OPHN1: variants seen among roughly 807,000 people sequenced by gnomAD.
The protein encoded by OPHN1 is oligophrenin 1, also known as oligophrenin-1.
OPHN1 carries 11 observed loss-of-function variants against 60.7 expected under a neutral mutation model. The observed-to-expected ratio is 0.18, with a 90% confidence interval of 0.11 to 0.30. OPHN1 has a LOEUF of 0.30. OPHN1 is among the 10% of genes least tolerant of loss of function. The pLI, the probability that OPHN1 is intolerant of heterozygous loss-of-function variation, is 1.00. For missense variants in OPHN1, 449 were observed against 611.0 expected (o/e 0.73, Z 2.80); for synonymous variants, 226 against 222.6 (o/e 1.02, Z -0.14).
At chrX:68,228,462 AG>A (rs1182594076) in intron 6 of OPHN1, among the ~76,000 whole-genome samples, 10 of 111,132 alleles carry the variant, frequency 9.0e-5, no homozygotes, top group Admixed American at 3.8e-4. Flanking sequence ...CAAAAAAAAA[AG>A]AGAATTTTAG....
intron 7 of OPHN1, among the ~76,000 whole-genome samples, chrX:68,212,950 A>G (rs1602239075): frequency 8.9e-6 from 1 of 112,885 alleles, no homozygotes; most frequent in East Asian, 2.8e-4. Context: ...GAAGACTGTC[A>G]TAATGCTAAA....
chrX:68,229,364 T>C (rs374725244), intron 6 of OPHN1, among the ~76,000 whole-genome samples: 14 of 111,674 alleles, frequency 1.3e-4, no homozygotes, highest in Non-Finnish European at 2.6e-4. Flanking sequence ...TTCAATGCCA[T>C]CTCCATCAAG....
intron 2 of OPHN1, among the ~76,000 whole-genome samples, chrX:68,355,113 T>G (rs1315421461): frequency 1.8e-5 from 2 of 112,151 alleles, no homozygotes; most frequent in African/African-American, 6.5e-5. Flanking sequence ...TTCCTTCATT[T>G]GTACTCAAGA....
intron 5 of OPHN1, among the ~76,000 whole-genome samples, chrX:68,268,740 G>A (rs980169938): frequency 1.8e-5 from 2 of 111,287 alleles, no homozygotes; most frequent in African/African-American, 6.5e-5. Context: ...GTTCTGGCAA[G>A]GGCAATCAGG....
At chrX:68,383,071 C>T (rs1243960189) in intron 2 of OPHN1, among the ~76,000 whole-genome samples, 1 of 110,743 alleles carries the variant, frequency 9.0e-6, no homozygotes. Context: ...GCTTGGAATC[C>T]CAACACTTTG....
At chrX:68,432,654 G>A (rs191490594) in intron 2 of OPHN1, among the ~76,000 whole-genome samples, 1 of 111,552 alleles carries the variant, frequency 9.0e-6, no homozygotes, top group Non-Finnish European at 1.9e-5. Context: ...GTCTTATAAG[G>A]TCAAAACCAC....
At chrX:68,383,831 G>A (rs939838185) in intron 2 of OPHN1, among the ~76,000 whole-genome samples, 36 of 110,288 alleles carry the variant, frequency 3.3e-4, no homozygotes, top group African/African-American at 1.2e-3. Context: ...TGGCAGAGAA[G>A]ACTGTTCCCT....
At chrX:68,264,605 G>A (rs189137907) in intron 5 of OPHN1, among the ~76,000 whole-genome samples, 4 of 111,974 alleles carry the variant, frequency 3.6e-5, no homozygotes, top group Non-Finnish European at 5.6e-5. Context: ...TGTGTGCGAC[G>A]TAGAAGATGG....
chrX:68,325,400 A>T (rs969058455), intron 2 of OPHN1, among the ~76,000 whole-genome samples: 3 of 106,619 alleles, frequency 2.8e-5, no homozygotes, highest in Non-Finnish European at 3.9e-5. Context: ...GCACATATAT[A>T]TAAAAAATTA....
At chrX:68,127,328 GA>G (rs1194969869) in intron 15 of OPHN1, among the ~76,000 whole-genome samples, 2 of 111,721 alleles carry the variant, frequency 1.8e-5, no homozygotes, top group Non-Finnish European at 3.8e-5. Flanking sequence ...AAATGCAAAT[GA>G]TAATGAAGGA....
chrX:68,152,541 T>G (rs1269695350), intron 15 of OPHN1, among the ~76,000 whole-genome samples: 2 of 107,367 alleles, frequency 1.9e-5, no homozygotes, highest in Non-Finnish European at 3.9e-5. Flanking sequence ...CTCCCCAGGC[T>G]CAGGTGATCC....
At chrX:68,416,055 TATATATATATATAGAGAG>T (rs1363482437) in intron 2 of OPHN1, among the ~76,000 whole-genome samples, 21 of 8,791 alleles carry the variant, frequency 2.4e-3, no homozygotes, top group African/African-American at 3.1e-3. Context: ...TATATATATA[TATATATATATATAGAGAG>T]AGAGAGAGAG....
At chrX:68,168,479 G>A (rs2077371106) in intron 15 of OPHN1, among the ~76,000 whole-genome samples, 1 of 111,383 alleles carries the variant, frequency 9.0e-6, no homozygotes. Flanking sequence ...CAACATACCA[G>A]AATCTCTGGG....
intron 2 of OPHN1, among the ~76,000 whole-genome samples, chrX:68,369,996 G>A (rs1458935137): frequency 2.6e-5 from 2 of 75,979 alleles, no homozygotes; most frequent in Non-Finnish European, 4.5e-5. Context: ...ACAGTGGGAT[G>A]GCATAAATTG....
intron 15 of OPHN1, among the ~76,000 whole-genome samples, chrX:68,129,343 G>A: frequency 9.0e-6 from 1 of 111,188 alleles, no homozygotes; most frequent in Non-Finnish European, 1.9e-5. Context: ...AACTGCATGA[G>A]AGTCACTTGG....
chrX:68,204,630 A>C (rs1006129693), intron 10 of OPHN1, among the ~76,000 whole-genome samples: 6 of 112,093 alleles, frequency 5.4e-5, no homozygotes, highest in Non-Finnish European at 1.1e-4. Flanking sequence ...CAATTTGGGG[A>C]AATCCAAGTA....
chrX:68,351,876 T>TC lies in OPHN1; in HGVS notation c.155-52781_155-52780insG, dbSNP rs1188842829. Among the ~76,000 whole-genome samples, 7 of 75,507 alleles carry TC rather than the reference T, an allele frequency of 9.3e-5. 2 individuals are homozygous for TC. Among genetic ancestry groups the TC allele is most frequent in the African/African-American group, 3.6e-4 (6 of 16,817 alleles). The allele number at this position is 75,507 out of a possible 115,157, so 65.6% of individuals were successfully genotyped here. On this transcript the variant is annotated intron_variant, in intron 2 of 24. Coordinates refer to ENST00000355520, the MANE Select transcript of OPHN1 (RefSeq NM_002547.3). ...CACGCCTGGCTAATTTTTTTTTCTT[T>TC]TTTTTTTTTTTTTTTTTTGAGACGG...
intron 2 of OPHN1, among the ~76,000 whole-genome samples, chrX:68,308,032 C>CT (rs1430862268): frequency 8.9e-6 from 1 of 112,219 alleles, no homozygotes; most frequent in Non-Finnish European, 1.9e-5. Context: ...AGGTTATGTG[C>CT]TTTTCCAAAG....
intron 5 of OPHN1, among the ~76,000 whole-genome samples, chrX:68,265,026 G>T (rs1352308744): frequency 2.7e-5 from 3 of 112,574 alleles, no homozygotes; most frequent in Non-Finnish European, 5.6e-5. Flanking sequence ...AAACAAAGCA[G>T]CCGGGAAGCT....
Sources: gnomAD v4.1 joint callset for allele counts (sites outside exome capture counted in the v4.1 genomes callset) on GRCh38, gnomAD v4.1.1 for gene constraint, MANE v1.5 for transcripts, NCBI Gene and HGNC (gene_info 2026-07-23, HGNC 2026-07-21) for gene names.